The following GALNT18 variants were observed in gnomAD, a reference collection of about 807,000 sequenced individuals.
GALNT18 encodes GalNAc-transferase 18.
GALNT18 carries 44 observed loss-of-function variants against 69.5 expected under a neutral mutation model. The observed-to-expected ratio is 0.63, with a 90% CI of 0.50 to 0.81. The LOEUF is 0.81. GALNT18 is among the 40% of genes least tolerant of loss of function. The probability of loss-of-function intolerance (pLI) is 0.00; values close to 1 mark genes in which losing one functional copy is unlikely to be tolerated. For synonymous variants in GALNT18, 364 were observed against 318.2 expected (o/e 1.14, Z -1.53); for missense variants, 715 against 810.0 (o/e 0.88, Z 1.42).
At chr11:11,323,620 C>T (rs1023340057) in intron 9 of GALNT18, among the ~76,000 whole-genome samples, 1 of 152,200 alleles carries the variant, frequency 6.6e-6, no homozygotes, top group African/African-American at 2.4e-5. Context: ...CTGATGATCC[C>T]TAAAAATGCC....
intron 5 of GALNT18, among the ~76,000 whole-genome samples, chr11:11,376,830 G>C (rs941415753): frequency 1.3e-5 from 2 of 152,196 alleles, no homozygotes; most frequent in African/African-American, 4.8e-5. Flanking sequence ...CTGCATGGTA[G>C]AATAATGTTC....
intron 10 of GALNT18, among the ~76,000 whole-genome samples, chr11:11,272,611 T>C (rs954724312): frequency 6.6e-5 from 10 of 152,246 alleles, no homozygotes; most frequent in African/African-American, 2.4e-4. Flanking sequence ...TCAGGGTTCC[T>C]GCACTTTAAG....
In GALNT18 at chr11:11,498,648, A is replaced by C. The variant is rs367905484; in HGVS notation, c.236-49712T>G. On this transcript the variant is annotated intron_variant, in intron 1 of 10. Coordinates refer to ENST00000227756, the MANE Select transcript of GALNT18 (RefSeq NM_198516.3). ...ACCTCATCTCTACTAAAATACAAAA[A>C]ATCAGCCGGGCATGGTGCTGTGCAC... is the stretch of plus-strand genomic sequence containing the variant. Among the ~76,000 whole-genome samples the C allele has an allele frequency of 2.6e-5, 4 of 152,288 alleles. No individual in the cohort carries two copies. In the South Asian group the frequency reaches 6.2e-4, roughly 24 times the overall value.
intron 1 of GALNT18, among the ~76,000 whole-genome samples, chr11:11,568,402 A>G (rs1471849299): frequency 6.6e-6 from 1 of 151,888 alleles, no homozygotes. Context: ...TTCCAATTTC[A>G]CCATAACTCA....
At chr11:11,353,946 C>T (rs774069016) in intron 6 of GALNT18, among the ~76,000 whole-genome samples, 18 of 152,176 alleles carry the variant, frequency 1.2e-4, no homozygotes, top group Non-Finnish European at 1.6e-4. Context: ...GTGTCTGGCT[C>T]AAGCATCATC....
rs10831639 is a variant in GALNT18, at chr11:11,563,121, C to G, written c.235+58238G>C. Among the ~76,000 whole-genome samples, 2 of 151,870 alleles carry G rather than the reference C, an allele frequency of 1.3e-5. No homozygotes were observed. Among genetic ancestry groups the G allele is most frequent in the Admixed American group, 6.6e-5 (1 of 15,260 alleles). On this transcript the variant is annotated intron_variant, in intron 1 of 10. Coordinates refer to ENST00000227756, the MANE Select transcript of GALNT18 (RefSeq NM_198516.3). The surrounding 1 kb of genome is among the most constrained non-coding windows in gnomAD (Gnocchi z 4.6). Reference sequence around the variant, plus strand: ...CCAGGAGGTGACCCCCCACCACACCCCACAGAGTGCCCTCAAACAGTGGAG... The same window carrying G: ...CCAGGAGGTGACCCCCCACCACACCGCACAGAGTGCCCTCAAACAGTGGAG...
At position 11,432,802 on chromosome 11, in the gene GALNT18, C is replaced by T. The variant is rs1564946558; in HGVS notation, c.429-15G>A. ...GGTTACGGCACCTGCAAAGAACAGC[C>T]AAGCGCTTAGATTTGTGACTCAGCT... On this transcript the variant is annotated splice_polypyrimidine_tract_variant and intron_variant, in intron 2 of 10. Transcript: ENST00000227756. The surrounding 1 kb of genome is among the most constrained non-coding windows in gnomAD (Gnocchi z 5.8). 6.2e-7 allele frequency: 1 copy of T among 1,610,158 alleles called. No homozygotes were observed. Among genetic ancestry groups the T allele is most frequent in the South Asian group, 1.1e-5 (1 of 90,644 alleles).
At chr11:11,374,285 C>G (rs1484167539) in intron 5 of GALNT18, among the ~76,000 whole-genome samples, 1 of 152,164 alleles carries the variant, frequency 6.6e-6, no homozygotes, top group Non-Finnish European at 1.5e-5. Context: ...TCTGAGCCTC[C>G]GATTCCATAT....
Position 11,494,155 on chromosome 11 carries a change from A to G in GALNT18, c.236-45219T>C, listed in dbSNP as rs1856826736. The stretch of plus-strand genomic sequence containing the variant: ...TTAATAAATGTTAGATATTAGAATT[A>G]TTATCAACATCAGGAATAAGATAAG... On this transcript the variant is annotated intron_variant, in intron 1 of 10. Transcript: ENST00000227756. The surrounding 1 kb of genome is among the most constrained non-coding windows in gnomAD (Gnocchi z 5.7). Among the ~76,000 whole-genome samples, 1 of 152,224 alleles carries G rather than the reference A, an allele frequency of 6.6e-6. No homozygotes were observed. Among genetic ancestry groups the G allele is most frequent in the South Asian group, 2.1e-4 (1 of 4,824 alleles).
intron 1 of GALNT18, among the ~76,000 whole-genome samples, chr11:11,457,337 G>C (rs1399795272): frequency 2.6e-5 from 4 of 152,222 alleles, no homozygotes; most frequent in African/African-American, 7.2e-5. Flanking sequence ...CTGAAGCTGA[G>C]TCATTTTGCC....
chr11:11,352,926 A>T (rs761109122), intron 6 of GALNT18: 2 of 1,613,938 alleles, frequency 1.2e-6, no homozygotes, highest in Non-Finnish European at 1.7e-6. Context: ...TTTAACAACA[A>T]CTTTTTCATT....
chr11:11,426,691 A>G (rs1855140975), intron 3 of GALNT18, among the ~76,000 whole-genome samples: 1 of 152,166 alleles, frequency 6.6e-6, no homozygotes, highest in African/African-American at 2.4e-5. Flanking sequence ...GGAGATACAG[A>G]GGAAAAGAAA....
intron 1 of GALNT18, among the ~76,000 whole-genome samples, chr11:11,477,263 T>G (rs1462619734): frequency 6.6e-6 from 1 of 152,188 alleles, no homozygotes. Flanking sequence ...TTCCAGGGCA[T>G]GGGATCCCTC....
intron 9 of GALNT18, among the ~76,000 whole-genome samples, chr11:11,308,968 T>A (rs747268831): frequency 3.3e-5 from 5 of 152,120 alleles, no homozygotes; most frequent in Non-Finnish European, 5.9e-5. Flanking sequence ...ATTGCCCTAC[T>A]TTTGCCCAAT....
At position 11,583,915 on chromosome 11, in the gene GALNT18, G is replaced by A. The variant is rs550706079; in HGVS notation, c.235+37444C>T. On this transcript the variant is annotated intron_variant, in intron 1 of 10. Coordinates refer to ENST00000227756, the MANE Select transcript of GALNT18 (RefSeq NM_198516.3). This position sits in a 1 kb window ranked among gnomAD's most constrained non-coding sequence, Gnocchi z 4.7. ...TATAAGGCCCAAATAAATGAATTATGGTCTTAGACAAGTCAACGGCTCCCC... is the reference window on the plus strand; with the variant it reads ...TATAAGGCCCAAATAAATGAATTATAGTCTTAGACAAGTCAACGGCTCCCC... Among the ~76,000 whole-genome samples, 2 of 152,150 alleles carry A rather than the reference G, an allele frequency of 1.3e-5. No homozygotes were observed. Among genetic ancestry groups the A allele is most frequent in the Admixed American group, 1.3e-4 (2 of 15,268 alleles).
chr11:11,482,065 C>A (rs749139525), intron 1 of GALNT18, among the ~76,000 whole-genome samples: 1 of 152,222 alleles, frequency 6.6e-6, no homozygotes. Context: ...TACTGGGCTA[C>A]GGGCCTCCTG....
At chr11:11,281,384 C>A (rs941532683) in intron 10 of GALNT18, among the ~76,000 whole-genome samples, 1 of 152,146 alleles carries the variant, frequency 6.6e-6, no homozygotes, top group African/African-American at 2.4e-5. Flanking sequence ...AGCTATAAAC[C>A]GTACGGATCG....
chr11:11,523,718 C>CAA lies in GALNT18; in HGVS notation c.236-74784_236-74783dup, dbSNP rs67821526. ...TGGGCAACAGAGCGAGACTCCATCT[C>CAA]AAAAAAAAAAAAAAATATCGTACAC... On this transcript the variant is annotated intron_variant, in intron 1 of 10. Coordinates refer to ENST00000227756, the MANE Select transcript of GALNT18 (RefSeq NM_198516.3). This position sits in a 1 kb window ranked among gnomAD's most constrained non-coding sequence, Gnocchi z 4.3. 2.4e-5 allele frequency among the ~76,000 whole-genome samples: 3 copies of CAA among 123,310 alleles called. No individual in the cohort carries two copies. The highest frequency in any genetic ancestry group is 8.3e-5 in the Admixed American group (1 of 12,088). The allele number at this position is 123,310 out of a possible 152,430, so 80.9% of individuals were successfully genotyped here.
chr11:11,437,818 A>G (rs930623178), intron 2 of GALNT18, among the ~76,000 whole-genome samples: 3 of 151,756 alleles, frequency 2.0e-5, no homozygotes, highest in Non-Finnish European at 4.4e-5. Context: ...GTAGACTGTG[A>G]ATTGGGGTCT....
Sources: allele counts gnomAD v4.1 joint callset (sites outside exome capture counted in the v4.1 genomes callset), GRCh38; gene constraint gnomAD v4.1.1; non-coding constraint Gnocchi (gnomAD v3.1); transcripts MANE v1.5; gene names NCBI Gene and HGNC (gene_info 2026-07-23, HGNC 2026-07-21).